OTX1: variants seen among roughly 807,000 people sequenced by gnomAD.
The protein encoded by OTX1 is homeobox protein OTX1.
In OTX1, 7 loss-of-function variants were observed where a neutral mutation model predicts 26.7. The observed-to-expected ratio is 0.26, with a 90% CI of 0.15 to 0.49. The LOEUF (loss-of-function observed/expected upper bound fraction) is 0.49, where lower values mean the gene tolerates loss of function less well. OTX1 is among the 20% of genes least tolerant of loss of function. The pLI, the probability that OTX1 is intolerant of heterozygous loss-of-function variation, is 0.98. For synonymous variants in OTX1, 216 were observed against 212.8 expected, an observed-to-expected ratio of 1.01 and a Z score of -0.13; for missense variants, 414 against 483.8, an observed-to-expected ratio of 0.86 and a Z score of 1.35.
Position 63,052,945 on chromosome 2 carries a change from C to A in OTX1, c.-46C>A. The stretch of plus-strand genomic sequence containing the variant: ...GTGGGAGCCCTGCACCGCTCCTGGC[C>A]CCGGGCCCCCTGGATCCGTCGGGGC... On this transcript the variant is annotated 5_prime_UTR_variant, in exon 3 of 5. Coordinates refer to ENST00000282549, the MANE Select transcript of OTX1 (RefSeq NM_014562.4). 1 of 1,371,546 alleles carries A rather than the reference C, an allele frequency of 7.3e-7. No individual in the cohort carries two copies. The highest frequency in any genetic ancestry group is 1.0e-6 in the Non-Finnish European group (1 of 970,012). The allele number at this position is 1,371,546 out of a possible 1,614,324, so 85.0% of individuals were successfully genotyped here.
In OTX1 at chr2:63,055,380, C is replaced by T. The variant is rs1029005447; in HGVS notation, c.250-121C>T. ...TGGCCAGGCCAGAGACAGGAAGGGG[C>T]GGAGGCCTCGGTGAGAAAGGATTGC... On this transcript the variant is annotated intron_variant, in intron 4 of 4. Transcript: ENST00000282549. This position sits in a 1 kb window ranked among gnomAD's most constrained non-coding sequence, Gnocchi z 5.2. The T allele has an allele frequency of 8.4e-6, 9 of 1,066,888 alleles. No individual in the cohort carries two copies. Among genetic ancestry groups the T allele is most frequent in the Admixed American group, 5.2e-5 (2 of 38,744 alleles). The allele number at this position is 1,066,888 out of a possible 1,614,324, so 66.1% of individuals were successfully genotyped here.
intron 2 of OTX1, 102 bp from the exon 3 acceptor site, chr2:63,052,778 C>A: frequency 1.9e-6 from 1 of 540,542 alleles, no homozygotes; most frequent in Non-Finnish European, 3.3e-6. Flanking sequence ...AGTTGACCAC[C>A]CTGCGCAGTT....
chr2:63,053,224 A>G, intron 3 of OTX1, 137 bp downstream of exon 3: 1 of 580,982 alleles, frequency 1.7e-6, no homozygotes, highest in Non-Finnish European at 2.9e-6. Context: ...GTCTGTTTAC[A>G]ATACAGGGCC....
At chr2:63,050,931 A>G (rs2153387607) in intron 1 of OTX1, 34 bp downstream of exon 1, 1 of 152,262 alleles carries the variant, frequency 6.6e-6, no homozygotes. Flanking sequence ...TTGCAAAGTG[A>G]CTCTGCAGGA....
Position 63,053,074 on chromosome 2 carries a change from C to T in OTX1, c.84C>T (p.Ser28=), listed in dbSNP as rs1302183878. The T allele has an allele frequency of 1.3e-6, 2 of 1,585,628 alleles. No homozygotes were observed. The highest frequency in any genetic ancestry group is 1.7e-6 in the Non-Finnish European group (2 of 1,168,970). ...CCGCCATGGACCTCCTGCACCCATCCGTGGGCTATCCGGGTGAGCACCAGC... is the reference window on the plus strand; with the variant it reads ...CCGCCATGGACCTCCTGCACCCATCTGTGGGCTATCCGGGTGAGCACCAGC... ...AGPAMDLLHP[S]VGYPATPRKQ... The change falls in exon 3 of 5, where the codon TCC becomes TCT. Residue 28 remains serine, a synonymous_variant. Coordinates refer to ENST00000282549, the MANE Select transcript of OTX1 (RefSeq NM_014562.4).
At chr2:63,054,257 T>A in intron 4 of OTX1, 59 bp downstream of exon 4, 1 of 1,498,280 alleles carries the variant, frequency 6.7e-7, no homozygotes, top group Non-Finnish European at 8.9e-7. Context: ...TCGGGGAAGG[T>A]CTAGGAAGGC....
At position 63,055,387 on chromosome 2, in the gene OTX1, C is replaced by T; in HGVS notation, c.250-114C>T. The stretch of plus-strand genomic sequence containing the variant: ...GCCAGAGACAGGAAGGGGCGGAGGC[C>T]TCGGTGAGAAAGGATTGCGATATTC... On this transcript the variant is annotated intron_variant, in intron 4 of 4. Transcript: ENST00000282549. This position sits in a 1 kb window ranked among gnomAD's most constrained non-coding sequence, Gnocchi z 5.2. 2 of 1,179,708 alleles carry T rather than the reference C, an allele frequency of 1.7e-6. No individual in the cohort carries two copies. The highest frequency in any genetic ancestry group is 2.4e-6 in the Non-Finnish European group (2 of 846,346). The allele number at this position is 1,179,708 out of a possible 1,614,324, so 73.1% of individuals were successfully genotyped here.
At position 63,057,004 on chromosome 2, in the gene OTX1, G is replaced by A. The variant is rs1052528391; in HGVS notation, c.*688G>A. 6.6e-6 allele frequency: 1 copy of A among 152,336 alleles called. No homozygotes were observed. The highest frequency in any genetic ancestry group is 1.5e-5 in the Non-Finnish European group (1 of 68,166). The allele number at this position is 152,336 out of a possible 1,614,324, so 9.4% of individuals were successfully genotyped here. A position where few individuals can be genotyped will look rare whatever the true frequency, so the allele number is the denominator to read the frequency against. On this transcript the variant is annotated 3_prime_UTR_variant, in exon 5 of 5. Transcript: ENST00000282549. Reference sequence around the variant, plus strand: ...TGGACTGGTTCAAGCTTCCGCCTCGGCGGGAACGCTGTACATAGTCAGGTC... The same window carrying A: ...TGGACTGGTTCAAGCTTCCGCCTCGACGGGAACGCTGTACATAGTCAGGTC...
Position 63,055,937 on chromosome 2 carries a change from G to A in OTX1, c.686G>A (p.Gly229Asp), listed in dbSNP as rs2153388288. The A allele has an allele frequency of 6.2e-7, 1 of 1,612,794 alleles. No homozygotes were observed. The highest frequency in any genetic ancestry group is 8.5e-7 in the Non-Finnish European group (1 of 1,180,036). ...TATCCCATGTCCTACGGCCAGGGCG[G>A]CAGCTACGGCCAAGGCTACCCTACG... ...ASYPMSYGQGGSYGQGYPTPS... is the reference protein window; with the variant it reads ...ASYPMSYGQGDSYGQGYPTPS... Residue 229 changes from glycine to aspartate, a missense_variant, in exon 5 of 5, where the codon GGC becomes GAC. Gly to Asp is a moderately conservative substitution (Grantham distance 94). This residue lies in a region of OTX1 where 320 missense variants were observed against 347.9 expected (regional missense o/e 0.92). Coordinates refer to ENST00000282549, the MANE Select transcript of OTX1 (RefSeq NM_014562.4). This position sits in a 1 kb window ranked among gnomAD's most constrained non-coding sequence, Gnocchi z 5.2.
chr2:63,053,734 G>A (rs547684987), intron 3 of OTX1, among the ~76,000 whole-genome samples: 8 of 152,226 alleles, frequency 5.3e-5, no homozygotes, highest in Admixed American at 4.6e-4. Context: ...GTGTGCGTGT[G>A]CGTGTGTGTG....
At position 63,057,713 on chromosome 2, in the gene OTX1, TA is replaced by T. The variant is rs2062078552; in HGVS notation, c.*1399del. On this transcript the variant is annotated 3_prime_UTR_variant, in exon 5 of 5. Coordinates refer to ENST00000282549, the MANE Select transcript of OTX1 (RefSeq NM_014562.4). ...CCGCTTCGTCCAGTAGGTGGGAAAGTAATTTGTAAATTTGATTTGTCTGATG... is the reference window on the plus strand; with the variant it reads ...CCGCTTCGTCCAGTAGGTGGGAAAGTATTTGTAAATTTGATTTGTCTGATG... 2 of 152,348 alleles carry T rather than the reference TA, an allele frequency of 1.3e-5. No homozygotes were observed. Among genetic ancestry groups the T allele is most frequent in the African/African-American group, 4.8e-5 (2 of 41,576 alleles). 9.4% of individuals were successfully genotyped at this position (152,348 alleles called of 1,614,324 possible).
At chr2:63,052,841 C>T (rs1349927977) in intron 2 of OTX1, 39 bp from the exon 3 acceptor site, 6 of 579,798 alleles carry the variant, frequency 1.0e-5, no homozygotes, top group African/African-American at 2.0e-5. Context: ...AGCCAAGTGG[C>T]TCCGATTGAC....
chr2:63,049,778 CT>C (rs1221742716), upstream of OTX1, among the ~76,000 whole-genome samples: 3 of 152,212 alleles, frequency 2.0e-5, no homozygotes, highest in East Asian at 5.8e-4. This position sits in a 1 kb window ranked among gnomAD's most constrained non-coding sequence, Gnocchi z 4.8. Context: ...AACGAAAACT[CT>C]TTTTTGCACT....
Position 63,053,095 on chromosome 2 carries a change from C to T in OTX1, c.97+8C>T, listed in dbSNP as rs372021286. ...CATCCGTGGGCTATCCGGGTGAGCA[C>T]CAGCCCTCCCGACCCTGCCTCAGCC... On this transcript the variant is annotated splice_region_variant and intron_variant, in intron 3 of 4. Transcript: ENST00000282549. 4 of 1,547,276 alleles carry T rather than the reference C, an allele frequency of 2.6e-6. No homozygotes were observed. Among genetic ancestry groups the T allele is most frequent in the Non-Finnish European group, 3.5e-6 (4 of 1,148,226 alleles).
At chr2:63,054,741 G>T (rs565071094) in intron 4 of OTX1, among the ~76,000 whole-genome samples, 2 of 152,302 alleles carry the variant, frequency 1.3e-5, no homozygotes, top group South Asian at 4.1e-4. Flanking sequence ...GAGATGAAAG[G>T]GTTCCGATGA....
rs777673341 is a variant in OTX1 at position 63,055,915 on chromosome 2, C to T, written c.664C>T (p.Pro222Ser). The change falls in exon 5 of 5, where the codon CCC becomes TCC. Residue 222 changes from proline to serine, a missense_variant. Pro to Ser is a moderately conservative substitution (Grantham distance 74, BLOSUM62 -1). Around this residue, in one of 3 missense-constraint regions of OTX1, gnomAD observed 320 missense variants for 347.9 expected, o/e 0.92. Coordinates refer to ENST00000282549, the MANE Select transcript of OTX1 (RefSeq NM_014562.4). This position sits in a 1 kb window ranked among gnomAD's most constrained non-coding sequence, Gnocchi z 5.2. Reference sequence around the variant, plus strand: ...CGCCGCCACCGCAGCAGCCTCTTATCCCATGTCCTACGGCCAGGGCGGCAG... The same window carrying T: ...CGCCGCCACCGCAGCAGCCTCTTATTCCATGTCCTACGGCCAGGGCGGCAG... The part of the protein sequence containing the change: ...AGAATAAASY[P>S]MSYGQGGSYG... 9.3e-6 allele frequency: 15 copies of T among 1,612,824 alleles called. No individual in the cohort carries two copies. In the South Asian group the frequency reaches 1.2e-4, roughly 13 times the overall value.
At chr2:63,054,252 G>T in intron 4 of OTX1, 54 bp downstream of exon 4, 3 of 1,497,390 alleles carry the variant, frequency 2.0e-6, no homozygotes, top group Non-Finnish European at 2.7e-6. Flanking sequence ...GCTGCTCGGG[G>T]AAGGTCTAGG....
At position 63,055,448 on chromosome 2, in the gene OTX1, A is replaced by G. The variant is rs534410700; in HGVS notation, c.250-53A>G. 5.1e-5 allele frequency: 79 copies of G among 1,537,472 alleles called. No individual in the cohort carries two copies. The highest frequency in any genetic ancestry group is 1.1e-4 in the Admixed American group (6 of 52,908). ...GTTGGGTCCGCGGGGCGGTGGAGCA[A>G]CAAGCTCCCCTAGCTCCCTTTGACC... On this transcript the variant is annotated intron_variant, in intron 4 of 4. Transcript: ENST00000282549. The surrounding 1 kb of genome is among the most constrained non-coding windows in gnomAD (Gnocchi z 5.2).
In OTX1 at chr2:63,056,323, G is replaced by A; in HGVS notation, c.*7G>A. 6.2e-7 allele frequency: 1 copy of A among 1,602,254 alleles called. No individual in the cohort carries two copies. The highest frequency in any genetic ancestry group is 8.5e-7 in the Non-Finnish European group (1 of 1,172,190). ...GCGGTTCCAGGTCTTGTGAGCCCAGGAATGAAAGAGGAGAAGAAACGCAAC... is the reference window on the plus strand; with the variant it reads ...GCGGTTCCAGGTCTTGTGAGCCCAGAAATGAAAGAGGAGAAGAAACGCAAC... On this transcript the variant is annotated 3_prime_UTR_variant, in exon 5 of 5. Transcript: ENST00000282549.
Sources: allele counts gnomAD v4.1 joint callset (sites outside exome capture counted in the v4.1 genomes callset), GRCh38; gene constraint gnomAD v4.1.1; regional missense constraint gnomAD v4.1.1; non-coding constraint Gnocchi (gnomAD v3.1); transcripts MANE v1.5; gene names NCBI Gene and HGNC (gene_info 2026-07-23, HGNC 2026-07-21).